The following ABI3BP variants were observed in gnomAD, a reference collection of about 807,000 sequenced individuals.
The protein encoded by ABI3BP is target of Nesh-SH3.
A neutral mutation model predicts 268.6 loss-of-function variants in ABI3BP; 216 were observed. That is an observed-to-expected ratio of 0.80 (90% confidence interval 0.72 to 0.90). The LOEUF (loss-of-function observed/expected upper bound fraction) is 0.90. Among genes scored for constraint, ABI3BP ranks in the 40% least tolerant of loss-of-function variants. ABI3BP has a pLI of 0.00. For missense variants in ABI3BP, 2,090 were observed against 2,182.4 expected, an observed-to-expected ratio of 0.96 and a Z score of 0.84; for synonymous variants, 730 against 730.0, an observed-to-expected ratio of 1.00 and a Z score of 0.00.
Position 100,808,142 on chromosome 3 carries a change from A to G in ABI3BP, c.3682+19T>C. 1 of 1,605,518 alleles carries G rather than the reference A, an allele frequency of 6.2e-7. No individual in the cohort carries two copies. The highest frequency in any genetic ancestry group is 8.5e-7 in the Non-Finnish European group (1 of 1,174,550). ...CTAACCTCAAACTTTTCAAGCTAAA[A>G]TGTAAAATATATATTTACCTGGTTG... is the stretch of plus-strand genomic sequence containing the variant. On this transcript the variant is annotated intron_variant, in intron 50 of 67. Transcript: ENST00000471714.
At chr3:100,858,787 T>C (rs189590799) in intron 14 of ABI3BP, among the ~76,000 whole-genome samples, 2 of 152,220 alleles carry the variant, frequency 1.3e-5, no homozygotes, top group Admixed American at 6.5e-5. Flanking sequence ...CTGATCATGA[T>C]GGATCAAGAC....
At chr3:100,953,650 A>T (rs2075871993) in intron 1 of ABI3BP, among the ~76,000 whole-genome samples, 1 of 152,180 alleles carries the variant, frequency 6.6e-6, no homozygotes, top group Non-Finnish European at 1.5e-5. Context: ...ATTACCAGAC[A>T]GAGAGACGAT....
rs1014485409 is a variant in ABI3BP at position 100,749,312 on chromosome 3, A to AAAT, written c.*1180_*1182dup. ...GTTAACATACTGATGAACCATTCAGAAATAACAAACAAAAACTCAATCTTA... is the reference window on the plus strand; with the variant it reads ...GTTAACATACTGATGAACCATTCAGAAATAATAACAAACAAAAACTCAATCTTA... On this transcript the variant is annotated 3_prime_UTR_variant, in exon 68 of 68. Transcript: ENST00000471714. 6 of 232,514 alleles carry AAAT rather than the reference A, an allele frequency of 2.6e-5. No homozygotes were observed. Among genetic ancestry groups the AAAT allele is most frequent in the Non-Finnish European group, 4.1e-5 (5 of 121,432 alleles). 14.4% of individuals were successfully genotyped at this position (232,514 alleles called of 1,614,324 possible).
At chr3:100,780,039 G>A (rs2096824062) in intron 58 of ABI3BP, 93 bp downstream of exon 58, 1 of 1,122,776 alleles carries the variant, frequency 8.9e-7, no homozygotes, top group Admixed American at 1.8e-5. Flanking sequence ...GGGCTGTGTG[G>A]ATGTTGCTGT....
chr3:100,874,563 T>C (rs1404851759), intron 9 of ABI3BP, among the ~76,000 whole-genome samples: 1 of 152,200 alleles, frequency 6.6e-6, no homozygotes. Flanking sequence ...ATTACTTTAT[T>C]AGAAAGTTAT....
At chr3:100,885,772 G>T (rs1299898133) in intron 5 of ABI3BP, among the ~76,000 whole-genome samples, 184 bp from the exon 6 acceptor site, 1 of 151,964 alleles carries the variant, frequency 6.6e-6, no homozygotes, top group Admixed American at 6.6e-5. Context: ...GAAAGCTCAA[G>T]GTTCCCGAAA....
intron 4 of ABI3BP, among the ~76,000 whole-genome samples, chr3:100,895,746 T>C (rs2047388081): frequency 2.0e-5 from 3 of 152,244 alleles, no homozygotes; most frequent in Non-Finnish European, 2.9e-5. Context: ...TTATTGCTTA[T>C]GCTAACCTAC....
At position 100,864,884 on chromosome 3, in the gene ABI3BP, T is replaced by C; in HGVS notation, c.1012A>G (p.Ser338Gly). 6.2e-7 allele frequency: 1 copy of C among 1,608,060 alleles called. No homozygotes were observed. The highest frequency in any genetic ancestry group is 8.5e-7 in the Non-Finnish European group (1 of 1,178,116). ...TTVTPETVPR[S>G]TKPTTSSALD... The stretch of plus-strand genomic sequence containing the variant: ...GCACTAGACGTAGTGGGTTTAGTGC[T>C]TCTTGGAACTGTTTCAGGAGTCACT... Residue 338 changes from serine (S) to glycine (G), a missense_variant, in exon 11 of 68, where the codon AGC becomes GGC. Physicochemically the swap from Ser to Gly is moderately conservative, Grantham distance 56 (BLOSUM62 0). Transcript: ENST00000471714.
At chr3:100,847,365 T>C (rs1223774219) in intron 19 of ABI3BP, among the ~76,000 whole-genome samples, 1 of 152,114 alleles carries the variant, frequency 6.6e-6, no homozygotes, top group Non-Finnish European at 1.5e-5. Flanking sequence ...GCAGCAATGG[T>C]TCAAAAGCTG....
intron 17 of ABI3BP, 92 bp from the exon 18 acceptor site, chr3:100,848,967 A>T (rs6771476): frequency 0.28 from 275,102 of 985,486 alleles, 39,985 homozygotes; most frequent in African/African-American, 0.34. Flanking sequence ...AAGTACAAGA[A>T]CTGCTTTATA....
chr3:100,956,254 CACACACAT>C (rs1233186034), intron 1 of ABI3BP, among the ~76,000 whole-genome samples: 3,918 of 126,558 alleles, frequency 0.031, 72 homozygotes, highest in Non-Finnish European at 0.049. Flanking sequence ...CACACACACA[CACACACAT>C]ATGGCATGTC....
intron 43 of ABI3BP, 37 bp from the exon 44 acceptor site, chr3:100,816,008 A>G (rs2098029521): frequency 7.1e-6 from 10 of 1,413,928 alleles, no homozygotes; most frequent in Non-Finnish European, 9.4e-6. Flanking sequence ...AAGAAAGCTT[A>G]AAGACTTTTT....
In ABI3BP at chr3:100,815,058, G is replaced by A. The variant is rs185924523; in HGVS notation, c.3289+854C>T. 1.2e-3 allele frequency among the ~76,000 whole-genome samples: 178 copies of A among 152,206 alleles called. 1 individual carries two copies. Among genetic ancestry groups the A allele is most frequent in the African/African-American group, 4.1e-3 (171 of 41,528 alleles). ...TCTAAAACCTAAGCCATAGATTTTC[G>A]TTATTTCAACTGAGAGGGTTTAGGG... On this transcript the variant is annotated intron_variant, in intron 44 of 67. Coordinates refer to ENST00000471714, the MANE Select transcript of ABI3BP (RefSeq NM_001375547.2).
chr3:100,754,432 G>T (rs2095511640), intron 64 of ABI3BP, among the ~76,000 whole-genome samples, 180 bp downstream of exon 64: 1 of 152,170 alleles, frequency 6.6e-6, no homozygotes, highest in Non-Finnish European at 1.5e-5. Flanking sequence ...GTCTTTAAGT[G>T]AGGAAAAATA....
chr3:100,834,838 G>A, intron 28 of ABI3BP, 65 bp from the exon 29 acceptor site: 1 of 1,408,980 alleles, frequency 7.1e-7, no homozygotes, highest in Non-Finnish European at 9.6e-7. Context: ...GATTACACAT[G>A]GTTCTAGGTT....
chr3:100,902,641 G>T lies in ABI3BP; in HGVS notation c.305C>A (p.Pro102Gln). 1 of 1,613,914 alleles carries T rather than the reference G, an allele frequency of 6.2e-7. No homozygotes were observed. The highest frequency in any genetic ancestry group is 8.5e-7 in the Non-Finnish European group (1 of 1,179,850). ...YLIVVRPAPP[P>Q]SQKKSCSGKT... ...ACCTGAACATGACTTCTTTTGACTT[G>T]GAGGTGGAGCAGGTCGCACAACTAT... The change falls in exon 3 of 68, where the codon CCA becomes CAA. Residue 102 changes from proline (P) to glutamine (Q), a missense_variant. Coordinates refer to ENST00000471714, the MANE Select transcript of ABI3BP (RefSeq NM_001375547.2).
chr3:100,813,489 A>G (rs988844827), intron 45 of ABI3BP, among the ~76,000 whole-genome samples, 172 bp downstream of exon 45: 1 of 152,214 alleles, frequency 6.6e-6, no homozygotes, highest in East Asian at 1.9e-4. Context: ...AGTAATATTA[A>G]TGTATTACTA....
At chr3:100,968,482 A>G (rs544872595) in intron 1 of ABI3BP, among the ~76,000 whole-genome samples, 47 of 152,324 alleles carry the variant, frequency 3.1e-4, no homozygotes, top group African/African-American at 1.0e-3. Context: ...CAAATAGGAA[A>G]GTGAAAACTC....
At chr3:100,754,399 T>A (rs1039701290) in intron 64 of ABI3BP, among the ~76,000 whole-genome samples, 3 of 152,236 alleles carry the variant, frequency 2.0e-5, no homozygotes, top group African/African-American at 7.2e-5. Context: ...AGATTCATTA[T>A]GCTTTTTAAA....
Sources: allele counts gnomAD v4.1 joint callset (sites outside exome capture counted in the v4.1 genomes callset), GRCh38; gene constraint gnomAD v4.1.1; transcripts MANE v1.5; gene names NCBI Gene and HGNC (gene_info 2026-07-23, HGNC 2026-07-21).